Variants in SLCO1B1 observed in about 807,000 individuals in gnomAD.
SLCO1B1 encodes the protein OATP-2.
Under a neutral mutation model 70.1 loss-of-function variants are expected in SLCO1B1, and 81 were observed. The ratio of observed to expected loss-of-function variants is 1.16; its 90% confidence interval spans 0.97 to 1.39. SLCO1B1 has a LOEUF of 1.39. SLCO1B1 is among the 40% of genes most tolerant of loss of function. SLCO1B1 has a pLI of 0.00. For missense variants in SLCO1B1, 895 were observed against 799.6 expected (o/e 1.12, Z -1.44); for synonymous variants, 283 against 271.5 (o/e 1.04, Z -0.42).
intron 11 of SLCO1B1, among the ~76,000 whole-genome samples, chr12:21,214,274 T>C (rs1246851569): frequency 1.9e-3 from 293 of 151,882 alleles, no homozygotes; most frequent in African/African-American, 6.8e-3. Flanking sequence ...TAGTTTTCCT[T>C]CTAACAGACA....
At chr12:21,227,558 T>G (rs555397871) in intron 14 of SLCO1B1, among the ~76,000 whole-genome samples, 44 of 152,206 alleles carry the variant, frequency 2.9e-4, no homozygotes, top group Middle Eastern at 3.4e-3. Context: ...TATTTAAATA[T>G]TAATGACAGA....
chr12:21,193,650 G>A (rs187906500), intron 7 of SLCO1B1, among the ~76,000 whole-genome samples: 4 of 152,082 alleles, frequency 2.6e-5, no homozygotes, highest in Non-Finnish European at 5.9e-5. Flanking sequence ...TGTATGCTCT[G>A]CTTCCCCTTT....
In SLCO1B1 at chr12:21,239,329, T is replaced by C. The variant is rs1941625874; in HGVS notation, c.*140T>C. 3 of 718,848 alleles carry C rather than the reference T, an allele frequency of 4.2e-6. No individual in the cohort carries two copies. The highest frequency in any genetic ancestry group is 5.1e-5 in the East Asian group (2 of 39,000). 44.5% of individuals were successfully genotyped at this position (718,848 alleles called of 1,614,324 possible). A position where few individuals can be genotyped will look rare whatever the true frequency, so the allele number is the denominator to read the frequency against. On this transcript the variant is annotated 3_prime_UTR_variant, in exon 15 of 15. Coordinates refer to ENST00000256958, the MANE Select transcript of SLCO1B1 (RefSeq NM_006446.5). Reference sequence around the variant, plus strand: ...TATGGTGGAAGTATAAATAAGCCTATGAACTTATAATAAAACAAACTGTAG... The same window carrying C: ...TATGGTGGAAGTATAAATAAGCCTACGAACTTATAATAAAACAAACTGTAG...
At chr12:21,207,027 C>G (rs1317551015) in intron 11 of SLCO1B1, among the ~76,000 whole-genome samples, 2 of 151,866 alleles carry the variant, frequency 1.3e-5, no homozygotes, top group African/African-American at 4.8e-5. Flanking sequence ...ACAAATATGG[C>G]CCAAAGACTA....
chr12:21,132,320 G>C (rs892991872), intron 1 of SLCO1B1, among the ~76,000 whole-genome samples: 2 of 152,178 alleles, frequency 1.3e-5, no homozygotes, highest in African/African-American at 4.8e-5. Flanking sequence ...CTTTATAGCA[G>C]CATGATTTAT....
intron 1 of SLCO1B1, among the ~76,000 whole-genome samples, chr12:21,138,459 A>C (rs1044390205): frequency 5.3e-5 from 8 of 152,232 alleles, no homozygotes; most frequent in Admixed American, 2.6e-4. Context: ...TTAAATGTCA[A>C]GGTGAATTAG....
rs1263932146 is a variant in SLCO1B1, at chr12:21,200,556, T to C, written c.1019T>C (p.Met340Thr). ...ATCCTTACTAATCCCCTGTATGTTA[T>C]GTTTGTGCTTTTGACGTTGTTACAA... ...KSILTNPLYV[M>T]FVLLTLLQVS... Residue 340 changes from methionine (M) to threonine (T), a missense_variant, in exon 9 of 15, where the codon ATG becomes ACG. Transcript: ENST00000256958. The C allele has an allele frequency of 1.2e-6, 2 of 1,607,256 alleles. No homozygotes were observed. The highest frequency in any genetic ancestry group is 1.7e-6 in the Non-Finnish European group (2 of 1,175,714).
intron 2 of SLCO1B1, among the ~76,000 whole-genome samples, chr12:21,142,292 T>C (rs1045218510): frequency 6.6e-6 from 1 of 152,092 alleles, no homozygotes; most frequent in African/African-American, 2.4e-5. Context: ...TAAGTGATGC[T>C]GGCATTTTTA....
At chr12:21,133,420 G>C (rs916810984) in intron 1 of SLCO1B1, among the ~76,000 whole-genome samples, 3 of 152,104 alleles carry the variant, frequency 2.0e-5, no homozygotes, top group Admixed American at 2.0e-4. Flanking sequence ...AATTACCTTG[G>C]ACAGTATGGC....
intron 11 of SLCO1B1, among the ~76,000 whole-genome samples, chr12:21,211,264 G>C (rs1941280686): frequency 6.6e-6 from 1 of 152,152 alleles, no homozygotes; most frequent in African/African-American, 2.4e-5. Flanking sequence ...AGAGTTTTTA[G>C]CATGAAGTGT....
At chr12:21,142,078 AAAAC>A (rs1311551572) in intron 2 of SLCO1B1, among the ~76,000 whole-genome samples, 2 of 151,162 alleles carry the variant, frequency 1.3e-5, no homozygotes, top group African/African-American at 4.8e-5. Flanking sequence ...TTTAAAAAAA[AAAAC>A]AAAAAACAGG....
At chr12:21,184,054 A>G (rs563981755) in intron 7 of SLCO1B1, among the ~76,000 whole-genome samples, 1 of 152,154 alleles carries the variant, frequency 6.6e-6, no homozygotes, top group East Asian at 1.9e-4. Context: ...AAGAAAGAAA[A>G]AAAAACATAA....
chr12:21,168,199 C>G lies in SLCO1B1; in HGVS notation c.85-4451C>G, dbSNP rs149110285. On this transcript the variant is annotated intron_variant, in intron 2 of 14. Transcript: ENST00000256958. ...GGCTTATTTAGCTTAGCATAATGTCCTTGAGGTTCATCCATATTGTAGCAC... is the reference window on the plus strand; with the variant it reads ...GGCTTATTTAGCTTAGCATAATGTCGTTGAGGTTCATCCATATTGTAGCAC... Among the ~76,000 whole-genome samples the G allele has an allele frequency of 5.3e-3, 755 of 141,304 alleles. 6 individuals are homozygous for G. Among genetic ancestry groups the G allele is most frequent in the African/African-American group, 0.018 (737 of 41,184 alleles). The allele number at this position is 141,304 out of a possible 152,430, so 92.7% of individuals were successfully genotyped here.
rs1209076308 is a variant in SLCO1B1, at chr12:21,233,189, G to C, written c.1866-5790G>C. On this transcript the variant is annotated intron_variant, in intron 14 of 14. Transcript: ENST00000256958. Reference sequence around the variant, plus strand: ...TCCAACTGAGAATTCAGGTCTCTGGGCAAGATGAAGAAGTGGACAGTCACC... The same window carrying C: ...TCCAACTGAGAATTCAGGTCTCTGGCCAAGATGAAGAAGTGGACAGTCACC... Among the ~76,000 whole-genome samples, 3 of 151,480 alleles carry C rather than the reference G, an allele frequency of 2.0e-5. No individual in the cohort carries two copies. In the East Asian group the frequency reaches 5.9e-4, roughly 30 times the overall value.
At chr12:21,208,637 A>G (rs1941241542) in intron 11 of SLCO1B1, among the ~76,000 whole-genome samples, 1 of 152,012 alleles carries the variant, frequency 6.6e-6, no homozygotes, top group Non-Finnish European at 1.5e-5. Context: ...GAATTTTACA[A>G]TAGTTTTATT....
intron 2 of SLCO1B1, among the ~76,000 whole-genome samples, chr12:21,154,503 G>C (rs944122196): frequency 6.6e-5 from 10 of 151,950 alleles, no homozygotes; most frequent in Middle Eastern, 3.2e-3. Flanking sequence ...GCTATATTTT[G>C]CTATATTTTC....
intron 3 of SLCO1B1, among the ~76,000 whole-genome samples, chr12:21,174,229 AAAT>A (rs2121100437): frequency 6.6e-6 from 1 of 152,282 alleles, no homozygotes; most frequent in African/African-American, 2.4e-5. Context: ...TTAGAAATTT[AAAT>A]AATATTAAGA....
rs1941370791 is a variant in SLCO1B1, at chr12:21,217,286, T to C, written c.1665T>C (p.His555=). 1.2e-6 allele frequency: 2 copies of C among 1,613,586 alleles called. No individual in the cohort carries two copies. Among genetic ancestry groups the C allele is most frequent in the Non-Finnish European group, 1.7e-6 (2 of 1,179,696 alleles). ...LFFSALGGTS[H]VMLIVKIVQP... ...TCTCTGCACTTGGAGGCACCTCACA[T>C]GTCATGCTGATTGTTAAGTAAGTAT... Residue 555 remains histidine (H), a synonymous_variant, in exon 12 of 15, where the codon CAT becomes CAC. Coordinates refer to ENST00000256958, the MANE Select transcript of SLCO1B1 (RefSeq NM_006446.5).
intron 2 of SLCO1B1, among the ~76,000 whole-genome samples, chr12:21,162,461 TTG>T (rs1337836027): frequency 1.3e-5 from 2 of 152,196 alleles, no homozygotes; most frequent in African/African-American, 4.8e-5. Flanking sequence ...GATACATTTG[TTG>T]TATAAGAGAT....
Sources: allele counts gnomAD v4.1 joint callset (sites outside exome capture counted in the v4.1 genomes callset), GRCh38; gene constraint gnomAD v4.1.1; transcripts MANE v1.5; gene names NCBI Gene and HGNC (gene_info 2026-07-23, HGNC 2026-07-21).